XIRP2: variants seen among roughly 807,000 people sequenced by gnomAD.
The protein encoded by XIRP2 is xin actin binding repeat containing 2.
In XIRP2, 236 loss-of-function variants were observed where a neutral mutation model predicts 277.0. The observed-to-expected ratio is 0.85, with a 90% CI of 0.77 to 0.95. The LOEUF (loss-of-function observed/expected upper bound fraction) is 0.95. Among genes scored for constraint, XIRP2 ranks in the 40% least tolerant of loss-of-function variants. The pLI, the probability that XIRP2 is intolerant of heterozygous loss-of-function variation, is 0.00. For missense variants in XIRP2, 4,640 were observed against 4,157.5 expected, an observed-to-expected ratio of 1.12 and a Z score of -3.19; for synonymous variants, 1,490 against 1,416.5, an observed-to-expected ratio of 1.05 and a Z score of -1.17.
chr2:166,983,071 T>C (rs1314880309), intron 2 of XIRP2, among the ~76,000 whole-genome samples: 3 of 152,198 alleles, frequency 2.0e-5, no homozygotes, highest in African/African-American at 4.8e-5. Flanking sequence ...GTTTCATATT[T>C]GTATTTTTCC....
At position 167,246,562 on chromosome 2, in the gene XIRP2, A is replaced by T. The variant is rs1331106021; in HGVS notation, c.5170A>T (p.Thr1724Ser). The change falls in exon 9 of 11, where the codon ACA becomes TCA. Residue 1724 changes from threonine (T) to serine (S), a missense_variant. Thr to Ser is a moderately conservative substitution (Grantham distance 58). Transcript: ENST00000409195. ...TACCATTCATAATTTATTGTCTTCCACATCAAACAATAAAATATCTGAAAG... is the reference window on the plus strand; with the variant it reads ...TACCATTCATAATTTATTGTCTTCCTCATCAAACAATAAAATATCTGAAAG... ...KRTIHNLLSS[T>S]SNNKISERAK... 6.2e-7 allele frequency: 1 copy of T among 1,613,814 alleles called. No homozygotes were observed. Among genetic ancestry groups the T allele is most frequent in the Admixed American group, 1.7e-5 (1 of 59,970 alleles).
At chr2:167,105,680 G>A (rs2105290143) in intron 2 of XIRP2, among the ~76,000 whole-genome samples, 1 of 151,950 alleles carries the variant, frequency 6.6e-6, no homozygotes, top group African/African-American at 2.4e-5. Flanking sequence ...ATGTCCAAAA[G>A]TGCAGTTAGG....
At chr2:167,111,753 G>A (rs918473630) in intron 2 of XIRP2, among the ~76,000 whole-genome samples, 3 of 152,054 alleles carry the variant, frequency 2.0e-5, no homozygotes, top group African/African-American at 7.2e-5. Flanking sequence ...GGTGCCAGCT[G>A]TTTTTTATAC....
chr2:167,090,012 T>G (rs1037779688), intron 2 of XIRP2, among the ~76,000 whole-genome samples: 1 of 152,100 alleles, frequency 6.6e-6, no homozygotes, highest in African/African-American at 2.4e-5. Context: ...GCTAAGAGAT[T>G]AAAAGTTTAA....
chr2:167,240,609 C>T (rs563739939), intron 6 of XIRP2, 55 bp from the exon 7 acceptor site: 2 of 1,481,214 alleles, frequency 1.4e-6, no homozygotes, highest in African/African-American at 2.8e-5. Context: ...ATTTGTAGTA[C>T]TAAAATAATT....
At chr2:167,142,473 G>A (rs960779976) in intron 3 of XIRP2, among the ~76,000 whole-genome samples, 2 of 151,794 alleles carry the variant, frequency 1.3e-5, no homozygotes, top group African/African-American at 2.4e-5. Flanking sequence ...GCTTGAACCC[G>A]GGAGGTGGAG....
Position 167,249,392 on chromosome 2 carries a change from T to C in XIRP2, c.8000T>C (p.Met2667Thr). 1 of 1,613,782 alleles carries C rather than the reference T, an allele frequency of 6.2e-7. No individual in the cohort carries two copies. Among genetic ancestry groups the C allele is most frequent in the Non-Finnish European group, 8.5e-7 (1 of 1,179,834 alleles). Residue 2667 changes from methionine (M) to threonine (T), a missense_variant, in exon 9 of 11, where the codon ATG (methionine) becomes ACG (threonine). Met to Thr is a moderately conservative substitution (Grantham distance 81). Coordinates refer to ENST00000409195, the MANE Select transcript of XIRP2 (RefSeq NM_152381.6). ...KEVLQSSRDI[M>T]QSKSACEIKQ... ...GTTTTACAAAGCTCAAGGGACATTA[T>C]GCAATCCAAATCAGCTTGCGAAATT...
chr2:166,892,837 ATATGT>A (rs946325256), intron 1 of XIRP2, among the ~76,000 whole-genome samples: 2 of 148,010 alleles, frequency 1.4e-5, no homozygotes, highest in Non-Finnish European at 3.0e-5. Context: ...AACTTCTATG[ATATGT>A]TATAATATAT....
At chr2:166,911,991 G>C (rs1684720351) in intron 2 of XIRP2, among the ~76,000 whole-genome samples, 1 of 152,156 alleles carries the variant, frequency 6.6e-6, no homozygotes, top group Admixed American at 6.5e-5. Flanking sequence ...TTAGTCTGAT[G>C]GGCTTCACTT....
At position 167,159,579 on chromosome 2, in the gene XIRP2, TG is replaced by T. The variant is rs921680941; in HGVS notation, c.562+23519del. On this transcript the variant is annotated intron_variant, in intron 3 of 10. Coordinates refer to ENST00000409195, the MANE Select transcript of XIRP2 (RefSeq NM_152381.6). ...ATCTGGTCATTGAAAGCACTGAATT[TG>T]GCACCAGGTTGTTTGGGTCCCTTTT... is the stretch of plus-strand genomic sequence containing the variant. Among the ~76,000 whole-genome samples, 6 of 152,322 alleles carry T rather than the reference TG, an allele frequency of 3.9e-5. 1 individual carries two copies. Among genetic ancestry groups the T allele is most frequent in the African/African-American group, 1.4e-4 (6 of 41,576 alleles).
At chr2:167,151,434 T>A (rs1574300485) in intron 3 of XIRP2, among the ~76,000 whole-genome samples, 1 of 152,188 alleles carries the variant, frequency 6.6e-6, no homozygotes, top group Admixed American at 6.6e-5. Flanking sequence ...AAAACTGAAC[T>A]TTTACCCCCA....
At chr2:166,971,601 G>A (rs1240414199) in intron 2 of XIRP2, among the ~76,000 whole-genome samples, 1 of 151,966 alleles carries the variant, frequency 6.6e-6, no homozygotes, top group Non-Finnish European at 1.5e-5. Flanking sequence ...TTTTTTGAAT[G>A]TCAGACATTT....
chr2:166,952,401 A>G (rs923389406), intron 2 of XIRP2, among the ~76,000 whole-genome samples: 2 of 152,020 alleles, frequency 1.3e-5, no homozygotes. Context: ...TGAGGTCTTT[A>G]TATGCCAGTA....
chr2:167,137,004 G>A (rs896175239), intron 3 of XIRP2, among the ~76,000 whole-genome samples: 7 of 152,122 alleles, frequency 4.6e-5, no homozygotes, highest in South Asian at 2.1e-4. Flanking sequence ...CAGAACCTTC[G>A]GCCTCACATC....
chr2:166,983,568 T>C (rs1024957642), intron 2 of XIRP2, among the ~76,000 whole-genome samples: 1 of 152,220 alleles, frequency 6.6e-6, no homozygotes, highest in Non-Finnish European at 1.5e-5. Flanking sequence ...TTCATTTTTA[T>C]TCTAGCAGTT....
intron 3 of XIRP2, among the ~76,000 whole-genome samples, chr2:167,162,776 C>T (rs1692410256): frequency 6.6e-6 from 1 of 152,158 alleles, no homozygotes; most frequent in Non-Finnish European, 1.5e-5. Context: ...GACATCCAAC[C>T]ATGTTCATCA....
At chr2:167,214,114 G>A (rs991145216) in intron 4 of XIRP2, among the ~76,000 whole-genome samples, 2 of 119,848 alleles carry the variant, frequency 1.7e-5, no homozygotes, top group Non-Finnish European at 3.4e-5. Flanking sequence ...AGGAAGGAAG[G>A]AAGGAAGGAA....
rs1694002867 is a variant in XIRP2 at position 167,210,801 on chromosome 2, T to C, written c.629T>C (p.Val210Ala). Residue 210 changes from valine to alanine, a missense_variant, in exon 4 of 11, where the codon GTG (valine) becomes GCG (alanine). Transcript: ENST00000409195. Reference sequence around the variant, plus strand: ...GACAGTGCTGCTCGGGGCGAGGGTGTGTCAGACCTCCACGAAGTGGTCTCC... The same window carrying C: ...GACAGTGCTGCTCGGGGCGAGGGTGCGTCAGACCTCCACGAAGTGGTCTCC... ...AEDSAARGEG[V>A]SDLHEVVSLK... 6.2e-7 allele frequency: 1 copy of C among 1,614,158 alleles called. No individual in the cohort carries two copies. Among genetic ancestry groups the C allele is most frequent in the Non-Finnish European group, 8.5e-7 (1 of 1,180,010 alleles).
rs779187045 is a variant in XIRP2 at position 167,247,339 on chromosome 2, C to A, written c.5947C>A (p.Pro1983Thr). 1.2e-6 allele frequency: 2 copies of A among 1,613,666 alleles called. No homozygotes were observed. The highest frequency in any genetic ancestry group is 1.7e-6 in the Non-Finnish European group (2 of 1,179,790). Residue 1983 changes from proline to threonine, a missense_variant, in exon 9 of 11, where the codon CCA becomes ACA. Physicochemically the swap from Pro to Thr is conservative, Grantham distance 38. Coordinates refer to ENST00000409195, the MANE Select transcript of XIRP2 (RefSeq NM_152381.6). ...TAGTCTTCTTCAGCCAAAGCCAGGT[C>A]CATTTGAGCCAGCGGCCAAGTGGCA... ...KNSLLQPKPGPFEPAAKWQGG... is the reference protein window; with the variant it reads ...KNSLLQPKPGTFEPAAKWQGG...
Sources: gnomAD v4.1 joint callset for allele counts (sites outside exome capture counted in the v4.1 genomes callset) on GRCh38, gnomAD v4.1.1 for gene constraint, MANE v1.5 for transcripts, NCBI Gene and HGNC (gene_info 2026-07-23, HGNC 2026-07-21) for gene names.